The following PLXNA4 variants were observed in gnomAD, a reference collection of about 807,000 sequenced individuals.
The protein encoded by PLXNA4 is plexin-A4.
A neutral mutation model predicts 191.8 loss-of-function variants in PLXNA4; 44 were observed. The observed-to-expected ratio is 0.23, with a 90% CI of 0.18 to 0.29. The LOEUF (loss-of-function observed/expected upper bound fraction) is 0.29, where lower values mean the gene tolerates loss of function less well. PLXNA4 is among the 10% of genes least tolerant of loss of function. The pLI is 1.00. For missense variants in PLXNA4, 1,800 were observed against 2,488.8 expected, an observed-to-expected ratio of 0.72 and a Z score of 5.89; for synonymous variants, 1,082 against 1,009.5, an observed-to-expected ratio of 1.07 and a Z score of -1.36.
At chr7:132,277,289 G>T (rs115676611) in intron 4 of PLXNA4, among the ~76,000 whole-genome samples, 1 of 152,152 alleles carries the variant, frequency 6.6e-6, no homozygotes, top group Non-Finnish European at 1.5e-5. Flanking sequence ...TGAAGAAAGG[G>T]TCATTTCATG....
At chr7:132,593,968 G>A (rs1802654009) in intron 2 of PLXNA4, among the ~76,000 whole-genome samples, 1 of 152,182 alleles carries the variant, frequency 6.6e-6, no homozygotes, top group Non-Finnish European at 1.5e-5. Flanking sequence ...GGGAGCTCCG[G>A]GTGGTGAACC....
intron 24 of PLXNA4, among the ~76,000 whole-genome samples, chr7:132,163,043 C>T (rs773220822): frequency 7.2e-5 from 11 of 152,206 alleles, no homozygotes; most frequent in Non-Finnish European, 1.6e-4. Flanking sequence ...AGTCTGTTCC[C>T]CGTCCTCCTC....
chr7:132,622,906 G>C (rs540947334), intron 2 of PLXNA4, among the ~76,000 whole-genome samples: 2 of 152,316 alleles, frequency 1.3e-5, no homozygotes, highest in South Asian at 4.1e-4. Flanking sequence ...CCGAGGTAGA[G>C]TCATGCCCAG....
chr7:132,643,247 GT>G (rs1046104778), intron 2 of PLXNA4, among the ~76,000 whole-genome samples: 3 of 152,120 alleles, frequency 2.0e-5, no homozygotes, highest in Admixed American at 2.0e-4. Context: ...GTCTGGTATT[GT>G]TTTTCTGCTG....
chr7:132,475,973 G>T lies in PLXNA4; in HGVS notation c.1371+13319C>A, dbSNP rs936380211. Among the ~76,000 whole-genome samples the T allele has an allele frequency of 3.9e-5, 6 of 152,188 alleles. No individual in the cohort carries two copies. The South Asian group carries it at 6.2e-4, about 16-fold the overall frequency. On this transcript the variant is annotated intron_variant, in intron 3 of 31. Coordinates refer to ENST00000321063, the MANE Select transcript of PLXNA4 (RefSeq NM_020911.2). ...TCCCAGAGAGAACATGAGGGAGGTG[G>T]ATGCAAGGCAGAGCCCAGCGGGAGC... is the stretch of plus-strand genomic sequence containing the variant.
At chr7:132,354,578 G>A (rs184465619) in intron 3 of PLXNA4, among the ~76,000 whole-genome samples, 1 of 152,296 alleles carries the variant, frequency 6.6e-6, no homozygotes, top group Admixed American at 6.5e-5. Context: ...CAGGCTTCTT[G>A]GTGAATGGCT....
At chr7:132,577,259 C>G (rs1802287116), upstream of PLXNA4, 1 of 151,754 alleles carries the variant, frequency 6.6e-6, no homozygotes, top group Admixed American at 6.6e-5. Flanking sequence ...CTGGCTCGGC[C>G]GCCGCCGGAG....
chr7:132,489,687 C>T (rs1797704061), intron 2 of PLXNA4, among the ~76,000 whole-genome samples: 1 of 152,158 alleles, frequency 6.6e-6, no homozygotes, highest in Non-Finnish European at 1.5e-5. Flanking sequence ...GCAGAAAACA[C>T]AGGTCCGCAG....
chr7:132,449,555 C>T (rs1469570791), intron 3 of PLXNA4, among the ~76,000 whole-genome samples: 1 of 152,236 alleles, frequency 6.6e-6, no homozygotes, highest in African/African-American at 2.4e-5. Flanking sequence ...ACCAGCTCTA[C>T]TCCCATAAAG....
At chr7:132,591,335 T>C (rs1428700735) in intron 2 of PLXNA4, among the ~76,000 whole-genome samples, 1 of 152,210 alleles carries the variant, frequency 6.6e-6, no homozygotes, top group Non-Finnish European at 1.5e-5. Flanking sequence ...ATCTTCACCA[T>C]GGTTCTTCAT....
chr7:132,130,475 G>A lies in PLXNA4; in HGVS notation c.*4C>T, dbSNP rs371686034. On this transcript the variant is annotated 3_prime_UTR_variant, in exon 32 of 32. Transcript: ENST00000321063. ...CCTCCAGGGCGGCCCTGGAAGGACG[G>A]TTCTCAGCTGTCTAAGCTCATGAGG... 1 of 1,614,214 alleles carries A rather than the reference G, an allele frequency of 6.2e-7. No individual in the cohort carries two copies.
At chr7:132,487,600 T>C (rs156927) in intron 3 of PLXNA4, among the ~76,000 whole-genome samples, 111,719 of 152,174 alleles carry the variant, frequency 0.73, 43,582 homozygotes, top group Non-Finnish European at 0.85. Flanking sequence ...ATTTCAGAGT[T>C]TGGCTATCTG....
rs1156315109 is a variant in PLXNA4 at position 132,132,380 on chromosome 7, T to TTGTTCTGTTC, written c.5589+659_5589+668dup. On this transcript the variant is annotated intron_variant, in intron 31 of 31. Coordinates refer to ENST00000321063, the MANE Select transcript of PLXNA4 (RefSeq NM_020911.2). ...GAACAAAACAGAAAACACATTCTAT[T>TTGTTCTGTTC]TGTTCTGTTCTGTTCTGTTCTGTTC... Among the ~76,000 whole-genome samples the TTGTTCTGTTC allele has an allele frequency of 1.4e-3, 178 of 128,986 alleles. 4 individuals are homozygous for TTGTTCTGTTC. The highest frequency in any genetic ancestry group is 4.1e-3 in the East Asian group (16 of 3,934). The allele number at this position is 128,986 out of a possible 152,430, so 84.6% of individuals were successfully genotyped here. A position where few individuals can be genotyped will look rare whatever the true frequency, so the allele number is the denominator to read the frequency against.
At chr7:132,317,674 G>A (rs1387057752) in intron 3 of PLXNA4, among the ~76,000 whole-genome samples, 2 of 152,172 alleles carry the variant, frequency 1.3e-5, no homozygotes, top group Non-Finnish European at 2.9e-5. Context: ...TTTATTCTGT[G>A]GCATTCAGTG....
At chr7:132,369,715 T>G (rs537416566) in intron 3 of PLXNA4, among the ~76,000 whole-genome samples, 1 of 151,972 alleles carries the variant, frequency 6.6e-6, no homozygotes, top group Admixed American at 6.5e-5. Context: ...AGACACCCTA[T>G]AGAGGAGTGA....
upstream of PLXNA4, chr7:132,577,054 C>T (rs1372761934): frequency 6.8e-6 from 1 of 146,494 alleles, no homozygotes; most frequent in Non-Finnish European, 1.5e-5. Context: ...TGCCCTGGGG[C>T]CGGGGCTGGG....
intron 20 of PLXNA4, among the ~76,000 whole-genome samples, chr7:132,178,470 G>A (rs1796550581): frequency 6.6e-6 from 1 of 152,188 alleles, no homozygotes; most frequent in Non-Finnish European, 1.5e-5. Flanking sequence ...ATTCAAAGCT[G>A]TGTGCCTGCC....
At chr7:132,447,023 A>C (rs1393074825) in intron 3 of PLXNA4, among the ~76,000 whole-genome samples, 2 of 152,102 alleles carry the variant, frequency 1.3e-5, no homozygotes, top group Non-Finnish European at 2.9e-5. Flanking sequence ...TTATATTAGA[A>C]TTGCAAACAA....
intron 3 of PLXNA4, among the ~76,000 whole-genome samples, chr7:132,436,637 A>T (rs1294991375): frequency 6.6e-6 from 1 of 152,208 alleles, no homozygotes; most frequent in Non-Finnish European, 1.5e-5. Flanking sequence ...CCCTCCTCCA[A>T]GTTGCTACAT....
Sources: allele counts gnomAD v4.1 joint callset (sites outside exome capture counted in the v4.1 genomes callset), GRCh38; gene constraint gnomAD v4.1.1; transcripts MANE v1.5; gene names NCBI Gene and HGNC (gene_info 2026-07-23, HGNC 2026-07-21).